Variants in BNC2 observed in about 807,000 individuals in gnomAD.
BNC2 encodes the protein basonuclin zinc finger protein 2.
BNC2 carries 20 observed loss-of-function variants against 76.3 expected under a neutral mutation model. The observed-to-expected ratio is 0.26, with a 90% CI of 0.18 to 0.38. BNC2 has a LOEUF of 0.38. Ranked by LOEUF, BNC2 falls within the 10% of genes least tolerant of loss-of-function variation. The probability of loss-of-function intolerance (pLI) is 1.00; values close to 1 mark genes in which losing one functional copy is unlikely to be tolerated. For synonymous variants in BNC2, 582 were observed against 514.8 expected, an observed-to-expected ratio of 1.13 and a Z score of -1.77; for missense variants, 1,382 against 1,399.8, an observed-to-expected ratio of 0.99 and a Z score of 0.20.
At chr9:16,722,390 G>GCATT (rs1274918228) in intron 3 of BNC2, among the ~76,000 whole-genome samples, 1 of 152,166 alleles carries the variant, frequency 6.6e-6, no homozygotes, top group African/African-American at 2.4e-5. Flanking sequence ...TCCTGTCACT[G>GCATT]CATTAATCAG....
chr9:16,632,051 A>G (rs999993113), intron 3 of BNC2, among the ~76,000 whole-genome samples: 20 of 152,146 alleles, frequency 1.3e-4, no homozygotes, highest in African/African-American at 4.6e-4. Flanking sequence ...GGCAGGTCCA[A>G]TCATGTAGGG....
intron 1 of BNC2, among the ~76,000 whole-genome samples, chr9:16,745,289 T>C (rs1000887679): frequency 6.6e-6 from 1 of 152,208 alleles, no homozygotes; most frequent in African/African-American, 2.4e-5. Context: ...TGTGTTTTGC[T>C]TGGCTCCTCC....
At chr9:16,550,658 T>G (rs1238564030) in intron 5 of BNC2, among the ~76,000 whole-genome samples, 1 of 152,198 alleles carries the variant, frequency 6.6e-6, no homozygotes, top group Non-Finnish European at 1.5e-5. Flanking sequence ...TGTATATGCT[T>G]GTGTCTCTGC....
intron 3 of BNC2, among the ~76,000 whole-genome samples, chr9:16,673,316 T>C (rs1454897484): frequency 1.3e-5 from 2 of 152,132 alleles, no homozygotes; most frequent in Admixed American, 1.3e-4. Context: ...AGGTAGCTCT[T>C]ATAATAAACT....
At chr9:16,481,529 G>A (rs1004957105) in intron 5 of BNC2, among the ~76,000 whole-genome samples, 2 of 151,974 alleles carry the variant, frequency 1.3e-5, no homozygotes, top group African/African-American at 4.8e-5. Flanking sequence ...CTCCAGACAC[G>A]CCACCTTAAG....
chr9:16,477,711 TTC>T (rs1224146620), intron 5 of BNC2, among the ~76,000 whole-genome samples: 24 of 152,368 alleles, frequency 1.6e-4, no homozygotes, highest in Admixed American at 1.4e-3. Flanking sequence ...TTATAGAATT[TTC>T]TTTTTTATCA....
chr9:16,607,828 T>C (rs1008663152), intron 3 of BNC2, among the ~76,000 whole-genome samples: 6 of 152,172 alleles, frequency 3.9e-5, no homozygotes, highest in Non-Finnish European at 5.9e-5. Context: ...ATTAACAAAA[T>C]TGATCTCTTT....
At position 16,442,363 on chromosome 9, in the gene BNC2, T is replaced by C. The variant is rs113973374; in HGVS notation, c.670-4839A>G. 2.0e-3 allele frequency among the ~76,000 whole-genome samples: 298 copies of C among 152,354 alleles called. 3 individuals are homozygous for C. In the East Asian group the frequency reaches 0.02, roughly 10 times the overall value. On this transcript the variant is annotated intron_variant, in intron 5 of 6. Coordinates refer to ENST00000380672, the MANE Select transcript of BNC2 (RefSeq NM_017637.6). ...CCTTTTGTTACTTCATTGGAACTGGTGATTATCACTTGTAGAAATCTGGCA... is the reference window on the plus strand; with the variant it reads ...CCTTTTGTTACTTCATTGGAACTGGCGATTATCACTTGTAGAAATCTGGCA...
intron 3 of BNC2, among the ~76,000 whole-genome samples, chr9:16,709,251 C>A (rs1035494167): frequency 6.6e-6 from 1 of 152,140 alleles, no homozygotes; most frequent in African/African-American, 2.4e-5. Context: ...AAAGAAAAGG[C>A]TTTCTCGGCC....
intron 3 of BNC2, among the ~76,000 whole-genome samples, chr9:16,692,946 A>G (rs1823219267): frequency 6.6e-6 from 1 of 152,032 alleles, no homozygotes; most frequent in Non-Finnish European, 1.5e-5. Context: ...CCTGGCCGAC[A>G]TGGAGAAACT....
At chr9:16,735,962 G>A (rs1317411339) in intron 2 of BNC2, among the ~76,000 whole-genome samples, 2 of 151,768 alleles carry the variant, frequency 1.3e-5, no homozygotes, top group East Asian at 1.9e-4. Flanking sequence ...GGCCAGGTGC[G>A]GTGGCTCACA....
At chr9:16,578,616 T>C (rs935068467) in intron 4 of BNC2, among the ~76,000 whole-genome samples, 1 of 151,736 alleles carries the variant, frequency 6.6e-6, no homozygotes, top group African/African-American at 2.4e-5. Context: ...AATGGCCAAA[T>C]TGCTACTCTA....
At chr9:16,743,620 G>A (rs992721774) in intron 1 of BNC2, among the ~76,000 whole-genome samples, 1 of 152,148 alleles carries the variant, frequency 6.6e-6, no homozygotes, top group Non-Finnish European at 1.5e-5. Context: ...CAGGGCTGAT[G>A]CCAATGCAAA....
At chr9:16,696,877 A>AT in intron 3 of BNC2, among the ~76,000 whole-genome samples, 1 of 152,312 alleles carries the variant, frequency 6.6e-6, no homozygotes. Flanking sequence ...TTTTTCAAGT[A>AT]TAATTTAGCC....
intron 3 of BNC2, among the ~76,000 whole-genome samples, chr9:16,721,701 T>C (rs1465724564): frequency 6.6e-6 from 1 of 152,168 alleles, no homozygotes; most frequent in Non-Finnish European, 1.5e-5. Flanking sequence ...CCATGTTCTT[T>C]GGACAATAAC....
chr9:16,775,308 G>A (rs1563937245), intron 1 of BNC2, among the ~76,000 whole-genome samples: 1 of 151,860 alleles, frequency 6.6e-6, no homozygotes, highest in Non-Finnish European at 1.5e-5. Context: ...ACTCTAATTT[G>A]GGATAAGAAG....
chr9:16,608,529 T>C (rs1045253162), intron 3 of BNC2, among the ~76,000 whole-genome samples: 9 of 152,168 alleles, frequency 5.9e-5, no homozygotes, highest in African/African-American at 2.2e-4. Flanking sequence ...TTTAAAGAGA[T>C]AGACTCTTGT....
intron 4 of BNC2, among the ~76,000 whole-genome samples, chr9:16,581,427 G>A (rs768386946): frequency 6.6e-6 from 1 of 152,114 alleles, no homozygotes; most frequent in Admixed American, 6.6e-5. Context: ...GTGTGGTGGC[G>A]CATGCCTGTA....
At chr9:16,780,257 C>CAAACAAA (rs1416629804) in intron 1 of BNC2, among the ~76,000 whole-genome samples, 1 of 78,692 alleles carries the variant, frequency 1.3e-5, no homozygotes, top group African/African-American at 4.9e-5. Context: ...AAAAAAAAAA[C>CAAACAAA]AAAAAAAAAC....
Sources: gnomAD v4.1 joint callset for allele counts (sites outside exome capture counted in the v4.1 genomes callset) on GRCh38, gnomAD v4.1.1 for gene constraint, MANE v1.5 for transcripts, NCBI Gene and HGNC (gene_info 2026-07-23, HGNC 2026-07-21) for gene names.